EYA1: variants seen among roughly 807,000 people sequenced by gnomAD.
EYA1 encodes protein phosphatase EYA1.
A neutral mutation model predicts 82.0 loss-of-function variants in EYA1; 16 were observed. The observed-to-expected ratio is 0.20, with a 90% CI of 0.13 to 0.30. The LOEUF is 0.30. Among genes scored for constraint, EYA1 ranks in the 10% least tolerant of loss-of-function variants. The pLI, the probability that EYA1 is intolerant of heterozygous loss-of-function variation, is 1.00. For synonymous variants in EYA1, 261 were observed against 264.4 expected, an observed-to-expected ratio of 0.99 and a Z score of 0.12; for missense variants, 633 against 730.7, an observed-to-expected ratio of 0.87 and a Z score of 1.54.
intron 5 of EYA1, 77 bp downstream of exon 5, chr8:71,322,122 G>T: frequency 7.9e-7 from 1 of 1,265,898 alleles, no homozygotes; most frequent in Non-Finnish European, 1.2e-6. Context: ...TGGAACATGT[G>T]GGCACAGACA....
intron 2 of EYA1, among the ~76,000 whole-genome samples, chr8:71,465,882 A>G (rs1808735820): frequency 6.6e-6 from 1 of 152,246 alleles, no homozygotes; most frequent in East Asian, 1.9e-4. Context: ...TTATTCATCC[A>G]TCTATTCAAA....
intron 17 of EYA1, chr8:71,204,118 T>C (rs1343100249): frequency 6.6e-6 from 1 of 152,174 alleles, no homozygotes; most frequent in East Asian, 1.9e-4. Context: ...AGATTAGGCA[T>C]ATATTGAGAG....
intron 3 of EYA1, among the ~76,000 whole-genome samples, chr8:71,337,737 C>T (rs1314641921): frequency 1.3e-5 from 2 of 152,208 alleles, no homozygotes; most frequent in Non-Finnish European, 2.9e-5. Context: ...CTATATTCAT[C>T]ATCATCATTA....
rs1282058038 is a variant in EYA1 at position 71,406,655 on chromosome 8, G to A, written c.34-50144C>T. Among the ~76,000 whole-genome samples, 12 of 152,328 alleles carry A rather than the reference G, an allele frequency of 7.9e-5. No homozygotes were observed. The South Asian group carries it at 1.0e-3, about 13-fold the overall frequency. Reference sequence around the variant, plus strand: ...CGGGTCACTCTCACCCGAATATTGCGCTTTTCAGACTGGCTTAAAAAACCG... The same window carrying A: ...CGGGTCACTCTCACCCGAATATTGCACTTTTCAGACTGGCTTAAAAAACCG... On this transcript the variant is annotated intron_variant, in intron 2 of 18. Coordinates refer to the EYA1 transcript ENST00000643681.
intron 1 of EYA1, among the ~76,000 whole-genome samples, chr8:71,359,732 A>C (rs1242535739): frequency 6.6e-6 from 1 of 152,188 alleles, no homozygotes. Flanking sequence ...ACTATAATTT[A>C]AAACTTTTTT....
intron 2 of EYA1, among the ~76,000 whole-genome samples, chr8:71,499,058 TG>T (rs1260217286): frequency 6.6e-6 from 1 of 152,130 alleles, no homozygotes; most frequent in Non-Finnish European, 1.5e-5. Flanking sequence ...TCAAAGAAAC[TG>T]GGACACTCAA....
intron 1 of EYA1, among the ~76,000 whole-genome samples, chr8:71,542,869 GT>G (rs1815256404): frequency 6.6e-6 from 1 of 152,146 alleles, no homozygotes; most frequent in South Asian, 2.1e-4. Context: ...TTTGGAAAGT[GT>G]CTGTTCATGT....
intron 2 of EYA1, among the ~76,000 whole-genome samples, chr8:71,498,188 G>A (rs2129233673): frequency 6.6e-6 from 1 of 152,272 alleles, no homozygotes; most frequent in Admixed American, 6.5e-5. Context: ...AAAATGCTGA[G>A]TGTGGATGTA....
intron 17 of EYA1, among the ~76,000 whole-genome samples, chr8:71,205,527 ACAAACTCCTGCAAGAGATCCTTT>A (rs1163769399): frequency 3.5e-4 from 54 of 152,344 alleles, no homozygotes; most frequent in African/African-American, 1.3e-3. Flanking sequence ...AGGCACTCAC[ACAAACTCCTGCAAGAGATCCTTT>A]CAATATGAGG....
chr8:71,294,785 A>G (rs1289901484), intron 9 of EYA1, among the ~76,000 whole-genome samples: 2 of 152,190 alleles, frequency 1.3e-5, no homozygotes, highest in Non-Finnish European at 2.9e-5. Context: ...AGCCAACACA[A>G]TGCTGAAGGA....
intron 4 of EYA1, among the ~76,000 whole-genome samples, chr8:71,328,816 G>A (rs1020797613): frequency 5.9e-5 from 9 of 152,078 alleles, no homozygotes. Context: ...TTCTCAGTCT[G>A]TCTAGGCCTC....
chr8:71,533,502 T>A (rs994283244), intron 2 of EYA1, among the ~76,000 whole-genome samples: 2 of 152,236 alleles, frequency 1.3e-5, no homozygotes, highest in Non-Finnish European at 2.9e-5. Context: ...CTTGGGATAC[T>A]GGTCCAGGAC....
intron 3 of EYA1, among the ~76,000 whole-genome samples, chr8:71,346,017 C>T (rs977697494): frequency 4.0e-5 from 6 of 150,420 alleles, no homozygotes; most frequent in South Asian, 2.1e-4. Context: ...TGCACACGTG[C>T]GCGCACACAC....
chr8:71,369,767 GAA>G (rs1453025439), intron 2 of EYA1, among the ~76,000 whole-genome samples: 1 of 152,112 alleles, frequency 6.6e-6, no homozygotes, highest in African/African-American at 2.4e-5. Context: ...GTTTGTGAAA[GAA>G]AAATGATTTC....
At chr8:71,386,579 T>C (rs181047641) in intron 2 of EYA1, among the ~76,000 whole-genome samples, 7 of 152,322 alleles carry the variant, frequency 4.6e-5, no homozygotes, top group Admixed American at 2.6e-4. Flanking sequence ...AGTTTCCTAT[T>C]CTAAAAAGCA....
rs143862863 is a variant in EYA1, at chr8:71,484,739, G to A, written c.33+51005C>T. Among the ~76,000 whole-genome samples, 248 of 152,340 alleles carry A rather than the reference G, an allele frequency of 1.6e-3. 1 individual carries two copies. Among genetic ancestry groups the A allele is most frequent in the Non-Finnish European group, 2.4e-3 (162 of 68,032 alleles). ...ATGAAAAGGTCAGTTACTGCACCTT[G>A]TACTTCCTGTCCCAGGGAGCTATTC... On this transcript the variant is annotated intron_variant, in intron 2 of 18. Coordinates refer to the EYA1 transcript ENST00000643681.
chr8:71,327,572 C>T (rs1420060454), intron 4 of EYA1, among the ~76,000 whole-genome samples: 1 of 152,098 alleles, frequency 6.6e-6, no homozygotes, highest in Non-Finnish European at 1.5e-5. Flanking sequence ...ATTTGGAAAC[C>T]ATGATAAACA....
At chr8:71,243,134 A>G (rs1381728467) in intron 12 of EYA1, among the ~76,000 whole-genome samples, 2 of 152,098 alleles carry the variant, frequency 1.3e-5, no homozygotes, top group Non-Finnish European at 2.9e-5. Flanking sequence ...AATTACTACA[A>G]ATTTCTTCTT....
At chr8:71,364,930 A>G (rs1421516136), upstream of EYA1, among the ~76,000 whole-genome samples, 1 of 137,926 alleles carries the variant, frequency 7.3e-6, no homozygotes, top group Non-Finnish European at 1.5e-5. Context: ...TCAAAAAAAA[A>G]GCAAATGTCA....
Sources: gnomAD v4.1 joint callset for allele counts (sites outside exome capture counted in the v4.1 genomes callset) on GRCh38, gnomAD v4.1.1 for gene constraint, MANE v1.5 for transcripts, NCBI Gene and HGNC (gene_info 2026-07-23, HGNC 2026-07-21) for gene names.